Variants in MYRIP observed in about 807,000 individuals in gnomAD.
MYRIP encodes rab effector MyRIP.
Under a neutral mutation model 98.0 loss-of-function variants are expected in MYRIP, and 49 were observed. That is an observed-to-expected ratio of 0.50 (90% CI 0.40 to 0.63). MYRIP has a LOEUF of 0.63. Among genes scored for constraint, MYRIP ranks in the 30% least tolerant of loss-of-function variants. MYRIP has a pLI of 0.00. For missense variants in MYRIP, 1,004 were observed against 1,058.2 expected, an observed-to-expected ratio of 0.95 and a Z score of 0.71; for synonymous variants, 404 against 409.5, an observed-to-expected ratio of 0.99 and a Z score of 0.16.
At chr3:39,952,644 C>G (rs1405524233) in intron 2 of MYRIP, among the ~76,000 whole-genome samples, 2 of 152,168 alleles carry the variant, frequency 1.3e-5, no homozygotes, top group Non-Finnish European at 2.9e-5. Flanking sequence ...CAGGCTAATA[C>G]CGCCTCATAG....
At chr3:40,125,618 G>A (rs773061711) in intron 3 of MYRIP, among the ~76,000 whole-genome samples, 3 of 152,048 alleles carry the variant, frequency 2.0e-5, no homozygotes, top group African/African-American at 4.8e-5. Context: ...TAACCATCAC[G>A]CTAGCTATGT....
intron 2 of MYRIP, among the ~76,000 whole-genome samples, chr3:39,911,986 T>G (rs981673717): frequency 3.3e-5 from 5 of 152,170 alleles, no homozygotes; most frequent in African/African-American, 4.8e-5. Context: ...ATAATGAGCT[T>G]CTTCTCCTTC....
At position 40,209,868 on chromosome 3, in the gene MYRIP, A is replaced by G; in HGVS notation, c.1680A>G (p.Leu560=). 6.2e-7 allele frequency: 1 copy of G among 1,614,006 alleles called. No individual in the cohort carries two copies. The highest frequency in any genetic ancestry group is 8.5e-7 in the Non-Finnish European group (1 of 1,179,922). Residue 560 remains leucine, a synonymous_variant, in exon 11 of 17, where the codon TTA becomes TTG. Transcript: ENST00000302541. ...CTTTCATTTAGGTGTCGGATGATTT[A>G]TCAGAGACAGACATCAGCAATGAGG... The part of the protein sequence containing the change: ...DLDTHQVSDD[L]SETDISNEAR...
chr3:40,233,517 A>G (rs1952724636), intron 11 of MYRIP, among the ~76,000 whole-genome samples: 1 of 152,174 alleles, frequency 6.6e-6, no homozygotes, highest in South Asian at 2.1e-4. Flanking sequence ...AGTTTTGCTG[A>G]TGAAGTAGAA....
intron 2 of MYRIP, among the ~76,000 whole-genome samples, chr3:39,974,701 A>G (rs1413554819): frequency 6.6e-6 from 1 of 152,210 alleles, no homozygotes; most frequent in Non-Finnish European, 1.5e-5. Context: ...CTTTTCCACC[A>G]TGATCAAGTG....
chr3:39,827,304 G>A (rs971360416), intron 1 of MYRIP, among the ~76,000 whole-genome samples: 1 of 151,984 alleles, frequency 6.6e-6, no homozygotes, highest in Non-Finnish European at 1.5e-5. Flanking sequence ...GTAGAGATGG[G>A]GCCTTACTGT....
intron 2 of MYRIP, among the ~76,000 whole-genome samples, chr3:39,990,196 C>T (rs1575442791): frequency 6.6e-6 from 1 of 152,318 alleles, no homozygotes; most frequent in South Asian, 2.1e-4. Flanking sequence ...ATTTTCCAGG[C>T]TGGGTAGTAT....
At chr3:40,198,083 C>T (rs1951448244) in intron 10 of MYRIP, among the ~76,000 whole-genome samples, 1 of 152,190 alleles carries the variant, frequency 6.6e-6, no homozygotes, top group South Asian at 2.1e-4. Flanking sequence ...TTTGTAGTCT[C>T]TACCCCAGGG....
intron 3 of MYRIP, among the ~76,000 whole-genome samples, chr3:40,135,554 G>A (rs1949745699): frequency 6.6e-6 from 1 of 152,150 alleles, no homozygotes. Context: ...TACTCCTCGA[G>A]AAGAGCAACT....
At chr3:40,214,358 G>A (rs567373040) in intron 11 of MYRIP, among the ~76,000 whole-genome samples, 3 of 152,228 alleles carry the variant, frequency 2.0e-5, no homozygotes, top group Non-Finnish European at 4.4e-5. Context: ...CGTAGACACA[G>A]TGACATCAGT....
At position 39,899,882 on chromosome 3, in the gene MYRIP, G is replaced by A. The variant is rs566744530; in HGVS notation, c.-30-905G>A. On this transcript the variant is annotated intron_variant, in intron 1 of 16. Coordinates refer to ENST00000302541, the MANE Select transcript of MYRIP (RefSeq NM_015460.4). The stretch of plus-strand genomic sequence containing the variant: ...GTCACCCAGGCTGGAGTGCACTGGC[G>A]CGATCTCAGCTCACTGCAACCTCTG... Among the ~76,000 whole-genome samples, 663 of 152,152 alleles carry A rather than the reference G, an allele frequency of 4.4e-3. 4 individuals are homozygous for A. Among genetic ancestry groups the A allele is most frequent in the Non-Finnish European group, 6.9e-3 (469 of 68,018 alleles).
intron 2 of MYRIP, among the ~76,000 whole-genome samples, chr3:40,010,415 A>G (rs1381795470): frequency 6.6e-6 from 1 of 152,182 alleles, no homozygotes; most frequent in East Asian, 1.9e-4. Flanking sequence ...CTAGTAGGAG[A>G]CAGCCATAGA....
At chr3:39,877,800 A>G (rs1244796667) in intron 1 of MYRIP, among the ~76,000 whole-genome samples, 1 of 152,066 alleles carries the variant, frequency 6.6e-6, no homozygotes, top group Non-Finnish European at 1.5e-5. Context: ...GGGGTCAGGG[A>G]CCCACTTGAG....
At chr3:39,956,818 T>C (rs753141805) in intron 2 of MYRIP, among the ~76,000 whole-genome samples, 4 of 151,456 alleles carry the variant, frequency 2.6e-5, no homozygotes, top group Admixed American at 6.6e-5. Context: ...AAGAATCAAA[T>C]AGATGGAATA....
In MYRIP at chr3:40,163,352, T is replaced by C. The variant is rs564840592; in HGVS notation, c.550+542T>C. On this transcript the variant is annotated intron_variant, in intron 5 of 16. Transcript: ENST00000302541. ...CTTATCTGTACTCTCTATTCTCTCT[T>C]TGGGGGCTGTGATAGTTAATTTTAT... is the stretch of plus-strand genomic sequence containing the variant. 2.6e-5 allele frequency among the ~76,000 whole-genome samples: 4 copies of C among 152,338 alleles called. No individual in the cohort carries two copies. The South Asian group carries it at 6.2e-4, about 24-fold the overall frequency.
chr3:39,971,490 C>A (rs1455410051), intron 2 of MYRIP, among the ~76,000 whole-genome samples: 1 of 151,890 alleles, frequency 6.6e-6, no homozygotes, highest in Non-Finnish European at 1.5e-5. Context: ...CAATTTAGAT[C>A]ATAAATCAAA....
chr3:40,029,968 G>A (rs1947221028), intron 2 of MYRIP, among the ~76,000 whole-genome samples: 1 of 152,086 alleles, frequency 6.6e-6, no homozygotes, highest in South Asian at 2.1e-4. Context: ...GCTGAGGTGG[G>A]AGGATCACTT....
chr3:39,893,364 G>A (rs1372467451), intron 1 of MYRIP, among the ~76,000 whole-genome samples: 1 of 152,120 alleles, frequency 6.6e-6, no homozygotes, highest in African/African-American at 2.4e-5. Flanking sequence ...TGCTAATGGA[G>A]TAGCCATTAA....
chr3:40,134,132 G>A (rs998154422), intron 3 of MYRIP, among the ~76,000 whole-genome samples: 3 of 152,074 alleles, frequency 2.0e-5, no homozygotes, highest in Admixed American at 6.5e-5. Flanking sequence ...TTCCCTTTCC[G>A]AGTCAAAAAA....
Sources: allele counts gnomAD v4.1 joint callset (sites outside exome capture counted in the v4.1 genomes callset), GRCh38; gene constraint gnomAD v4.1.1; transcripts MANE v1.5; gene names NCBI Gene and HGNC (gene_info 2026-07-23, HGNC 2026-07-21).